Variants in SLC2A13 observed in about 807,000 individuals in gnomAD.
SLC2A13 encodes proton myo-inositol cotransporter.
SLC2A13 carries 32 observed loss-of-function variants against 64.4 expected under a neutral mutation model. The ratio of observed to expected loss-of-function variants is 0.50; its 90% CI spans 0.37 to 0.67. SLC2A13 has a LOEUF of 0.67. Among genes scored for constraint, SLC2A13 ranks in the 30% least tolerant of loss-of-function variants. The pLI is 0.00. For synonymous variants in SLC2A13, 338 were observed against 327.1 expected (o/e 1.03, Z -0.36); for missense variants, 743 against 829.2 (o/e 0.90, Z 1.28).
intron 4 of SLC2A13, among the ~76,000 whole-genome samples, chr12:39,935,999 A>G (rs1945911226): frequency 6.6e-6 from 1 of 152,208 alleles, no homozygotes; most frequent in South Asian, 2.1e-4. Flanking sequence ...GTGGTTGGAC[A>G]TGAAGCAGTG....
chr12:40,070,801 C>A (rs767890553), intron 1 of SLC2A13, among the ~76,000 whole-genome samples: 36 of 152,120 alleles, frequency 2.4e-4, no homozygotes, highest in Non-Finnish European at 4.7e-4. Context: ...TTTTTTATTG[C>A]AGCATTTTCT....
At chr12:39,795,594 A>G (rs772614092) in intron 7 of SLC2A13, among the ~76,000 whole-genome samples, 6 of 152,080 alleles carry the variant, frequency 3.9e-5, no homozygotes, top group Admixed American at 1.3e-4. Context: ...ACTTTTATCT[A>G]TGGAATGATT....
At chr12:39,869,656 G>A (rs1047273482) in intron 5 of SLC2A13, among the ~76,000 whole-genome samples, 2 of 152,142 alleles carry the variant, frequency 1.3e-5, no homozygotes, top group African/African-American at 4.8e-5. Context: ...CCGAGGAATT[G>A]TCTTAATACT....
intron 2 of SLC2A13, among the ~76,000 whole-genome samples, chr12:40,034,282 T>C (rs539204395): frequency 1.3e-5 from 2 of 152,314 alleles, no homozygotes; most frequent in East Asian, 3.9e-4. Flanking sequence ...CAACAGGCCA[T>C]GAAAGCATTA....
intron 3 of SLC2A13, among the ~76,000 whole-genome samples, chr12:39,972,022 T>TATATA (rs368933021): frequency 0.052 from 4,743 of 91,786 alleles, 270 homozygotes; most frequent in African/African-American, 0.11. Context: ...ATATTTTTTT[T>TATATA]TATATAAATA....
At position 39,957,941 on chromosome 12, in the gene SLC2A13, T is replaced by C. The variant is rs1946345292; in HGVS notation, c.926-6576A>G. On this transcript the variant is annotated intron_variant, in intron 3 of 9. Coordinates refer to ENST00000280871, the MANE Select transcript of SLC2A13 (RefSeq NM_052885.4). The stretch of plus-strand genomic sequence containing the variant: ...CAAAACAAAACAAGCTATGCCACAA[T>C]GGTGTAAGTGCTCTAACAGAGGTAC... 2.0e-5 allele frequency among the ~76,000 whole-genome samples: 3 copies of C among 152,244 alleles called. No individual in the cohort carries two copies. The South Asian group carries it at 6.2e-4, about 32-fold the overall frequency.
At chr12:40,019,273 T>C (rs1177958988) in intron 3 of SLC2A13, among the ~76,000 whole-genome samples, 1 of 152,260 alleles carries the variant, frequency 6.6e-6, no homozygotes, top group Non-Finnish European at 1.5e-5. Flanking sequence ...TTATAGTTGT[T>C]TGAATGCTTT....
At chr12:39,969,408 T>C (rs1165327849) in intron 3 of SLC2A13, among the ~76,000 whole-genome samples, 1 of 152,192 alleles carries the variant, frequency 6.6e-6, no homozygotes, top group Non-Finnish European at 1.5e-5. Flanking sequence ...TAGTTTACGG[T>C]CCCACCAACA....
At chr12:39,807,829 G>A (rs1026014412) in intron 7 of SLC2A13, among the ~76,000 whole-genome samples, 1 of 152,058 alleles carries the variant, frequency 6.6e-6, no homozygotes, top group Non-Finnish European at 1.5e-5. Flanking sequence ...TTTAATAATC[G>A]TACCAGGAGA....
At chr12:40,038,356 T>C (rs1302376984) in intron 2 of SLC2A13, among the ~76,000 whole-genome samples, 3 of 152,216 alleles carry the variant, frequency 2.0e-5, no homozygotes, top group African/African-American at 7.2e-5. Flanking sequence ...AGGGGGCATA[T>C]ATTTCATTTA....
intron 6 of SLC2A13, among the ~76,000 whole-genome samples, chr12:39,839,311 G>T (rs553534844): frequency 2.2e-3 from 328 of 152,136 alleles, no homozygotes; most frequent in South Asian, 0.011. Flanking sequence ...GAGCATAGAT[G>T]TCGGTTGATT....
At chr12:40,033,868 C>T (rs1415804986) in intron 2 of SLC2A13, among the ~76,000 whole-genome samples, 3 of 152,054 alleles carry the variant, frequency 2.0e-5, no homozygotes, top group African/African-American at 7.2e-5. Context: ...TCGAAAGTTG[C>T]TTTCTCTTTA....
chr12:39,914,858 G>C (rs77725183), intron 4 of SLC2A13, among the ~76,000 whole-genome samples: 6,998 of 151,932 alleles, frequency 0.046, 300 homozygotes, highest in Admixed American at 0.13. Context: ...AGAAGGAAAT[G>C]TACAAAAGTA....
In SLC2A13 at chr12:40,028,267, T is replaced by G. The variant is rs1259531125; in HGVS notation, c.925+34A>C. Reference sequence around the variant, plus strand: ...AATGACAAATAAGACCACTGTATAGTTTTTAAATTCATATAAGTATAAAGT... The same window carrying G: ...AATGACAAATAAGACCACTGTATAGGTTTTAAATTCATATAAGTATAAAGT... On this transcript the variant is annotated intron_variant, in intron 3 of 9. Transcript: ENST00000280871. 4 of 1,536,864 alleles carry G rather than the reference T, an allele frequency of 2.6e-6. No homozygotes were observed. In the South Asian group the frequency reaches 4.7e-5, roughly 18 times the overall value.
intron 7 of SLC2A13, among the ~76,000 whole-genome samples, chr12:39,812,369 TTTCTTTTC>T (rs1942195197): frequency 8.0e-6 from 1 of 125,264 alleles, no homozygotes; most frequent in Non-Finnish European, 1.9e-5. Flanking sequence ...TTTCTTTTCT[TTTCTTTTC>T]TTTTCTTTCT....
At chr12:39,804,136 CTAAA>C (rs1384444349) in intron 7 of SLC2A13, among the ~76,000 whole-genome samples, 2 of 151,928 alleles carry the variant, frequency 1.3e-5, no homozygotes. Flanking sequence ...GAAAAAAACA[CTAAA>C]TATCTTATTT....
In SLC2A13 at chr12:39,764,873, AAT is replaced by A; in HGVS notation, c.1446-17_1446-16del. 6.2e-7 allele frequency: 1 copy of A among 1,609,378 alleles called. No individual in the cohort carries two copies. The highest frequency in any genetic ancestry group is 8.5e-7 in the Non-Finnish European group (1 of 1,177,630). On this transcript the variant is annotated splice_polypyrimidine_tract_variant and intron_variant, in intron 7 of 9. Transcript: ENST00000280871. ...CATTTTCACACCTGAAAAATAATGC[AAT>A]ATAAGTATTAACTTAATGTTTTTGA...
chr12:39,818,655 C>T (rs1379906218), intron 7 of SLC2A13, among the ~76,000 whole-genome samples: 1 of 152,004 alleles, frequency 6.6e-6, no homozygotes, highest in Non-Finnish European at 1.5e-5. Flanking sequence ...TAGCTGATGT[C>T]CCCCAAGTTT....
intron 3 of SLC2A13, among the ~76,000 whole-genome samples, chr12:40,021,605 T>C (rs1592014109): frequency 6.6e-6 from 1 of 152,350 alleles, no homozygotes; most frequent in South Asian, 2.1e-4. Flanking sequence ...ATATTGGATA[T>C]AGAAATGTTT....
Sources: allele counts gnomAD v4.1 joint callset (sites outside exome capture counted in the v4.1 genomes callset), GRCh38; gene constraint gnomAD v4.1.1; transcripts MANE v1.5; gene names NCBI Gene and HGNC (gene_info 2026-07-23, HGNC 2026-07-21).